FGFRL1: variants seen among roughly 807,000 people sequenced by gnomAD.
FGFRL1 encodes the protein fibroblast growth factor receptor like 1.
A neutral mutation model predicts 36.8 loss-of-function variants in FGFRL1; 24 were observed. The ratio of observed to expected loss-of-function variants is 0.65; its 90% CI spans 0.47 to 0.92. The LOEUF is 0.92. Among genes scored for constraint, FGFRL1 ranks in the 40% least tolerant of loss-of-function variants. The probability of loss-of-function intolerance (pLI) is 0.00; values close to 1 mark genes in which losing one functional copy is unlikely to be tolerated. For missense variants in FGFRL1, 785 were observed against 753.4 expected (o/e 1.04, Z -0.49); for synonymous variants, 422 against 344.1 (o/e 1.23, Z -2.50).
chr4:1,014,992 C>G (rs1301137737), intron 2 of FGFRL1, among the ~76,000 whole-genome samples: 2 of 152,216 alleles, frequency 1.3e-5, no homozygotes, highest in Non-Finnish European at 2.9e-5. Flanking sequence ...GCCGCAGGCC[C>G]CGCGCTGCGG....
chr4:1,024,146 CG>C, intron 5 of FGFRL1, 45 bp downstream of exon 5: 2 of 426,600 alleles, frequency 4.7e-6, no homozygotes, highest in Non-Finnish European at 7.2e-6. Context: ...TGCTGGTGGG[CG>C]GGGGCGCTGG....
Position 1,025,188 on chromosome 4 carries a change from T to G in FGFRL1, c.1356T>G (p.Ser452=). Residue 452 remains serine (S), a synonymous_variant, in exon 7 of 7, where the codon TCT becomes TCG. Coordinates refer to ENST00000510644, the MANE Select transcript of FGFRL1 (RefSeq NM_001004356.3). ...TGGGGCTGTGTGAGGAGCATGGGTC[T>G]CCGGCAGCCCCCCAGCACTTACTGG... ...PGVGLCEEHG[S]PAAPQHLLGP... 8.1e-6 allele frequency: 13 copies of G among 1,610,586 alleles called. No homozygotes were observed. Among genetic ancestry groups the G allele is most frequent in the Non-Finnish European group, 1.1e-5 (13 of 1,179,062 alleles).
At chr4:1,014,702 C>T (rs1026898502) in intron 2 of FGFRL1, among the ~76,000 whole-genome samples, 15 of 152,366 alleles carry the variant, frequency 9.8e-5, no homozygotes, top group Admixed American at 7.2e-4. Context: ...CAGGGCCTTC[C>T]TCCCTCGCCC....
intron 2 of FGFRL1, among the ~76,000 whole-genome samples, chr4:1,020,098 G>C (rs537274601): frequency 6.6e-6 from 1 of 152,358 alleles, no homozygotes; most frequent in East Asian, 1.9e-4. Flanking sequence ...TTGGGGGTCA[G>C]AATGGGAGCT....
upstream of FGFRL1, among the ~76,000 whole-genome samples, chr4:1,010,511 G>T (rs566267185): frequency 3.3e-5 from 5 of 152,258 alleles, no homozygotes; most frequent in African/African-American, 4.8e-5. Flanking sequence ...CGGCTGCCAG[G>T]CCTCTCCAGT....
At chr4:1,015,979 C>T (rs1203439282) in intron 2 of FGFRL1, among the ~76,000 whole-genome samples, 1 of 152,234 alleles carries the variant, frequency 6.6e-6, no homozygotes. Context: ...AGGGTCTGGG[C>T]GGCTGTGCCC....
In FGFRL1 at chr4:1,026,764, C is replaced by T. The variant is rs780444862; in HGVS notation, c.*1417C>T. 85 of 443,016 alleles carry T rather than the reference C, an allele frequency of 1.9e-4. No individual in the cohort carries two copies. Among genetic ancestry groups the T allele is most frequent in the South Asian group, 3.9e-4 (24 of 62,066 alleles). 27.4% of individuals were successfully genotyped at this position (443,016 alleles called of 1,614,324 possible). On this transcript the variant is annotated 3_prime_UTR_variant, in exon 7 of 7. Coordinates refer to ENST00000510644, the MANE Select transcript of FGFRL1 (RefSeq NM_001004356.3). Reference sequence around the variant, plus strand: ...TTCAGCCATGCTGATGACCACACCCCGTCCAGGCCAGACACCACCCCCCAC... The same window carrying T: ...TTCAGCCATGCTGATGACCACACCCTGTCCAGGCCAGACACCACCCCCCAC...
rs773150815 is a variant in FGFRL1, at chr4:1,022,328, A to T, written c.205A>T (p.Thr69Ser). ...PLTMWTKDGR[T>S]IHSGWSRFRV... ...GACCATGTGGACCAAGGATGGCCGC[A>T]CCATCCACAGCGGCTGGAGCCGCTT... is the stretch of plus-strand genomic sequence containing the variant. Residue 69 changes from threonine (T) to serine (S), a missense_variant, in exon 3 of 7, where the codon ACC becomes TCC. Physicochemically the swap from Thr to Ser is moderately conservative, Grantham distance 58. Coordinates refer to ENST00000510644, the MANE Select transcript of FGFRL1 (RefSeq NM_001004356.3). The T allele has an allele frequency of 2.2e-5, 35 of 1,600,244 alleles. No homozygotes were observed. In the South Asian group the frequency reaches 3.8e-4, roughly 17 times the overall value.
At chr4:1,019,020 C>T (rs1054211995) in intron 2 of FGFRL1, among the ~76,000 whole-genome samples, 2 of 152,326 alleles carry the variant, frequency 1.3e-5, no homozygotes, top group African/African-American at 2.4e-5. Context: ...GCCACGCTTC[C>T]GGCCATCCAG....
In FGFRL1 at chr4:1,024,989, G is replaced by A. The variant is rs1343769049; in HGVS notation, c.1157G>A (p.Gly386Asp). 3 of 1,610,216 alleles carry A rather than the reference G, an allele frequency of 1.9e-6. No individual in the cohort carries two copies. The highest frequency in any genetic ancestry group is 1.3e-5 in the African/African-American group (1 of 74,898). ...CCCGTGGTCATCGGCATCCCAGCCG[G>A]CGCTGTCTTCATCCTGGGCACCCTG... ...PWPVVIGIPA[G>D]AVFILGTLLL... The change falls in exon 7 of 7, where the codon GGC (glycine) becomes GAC (aspartate). Residue 386 changes from glycine to aspartate, a missense_variant. Physicochemically the swap from Gly to Asp is moderately conservative, Grantham distance 94. Transcript: ENST00000510644.
At chr4:1,012,373 G>T in intron 1 of FGFRL1, 97 bp from the exon 2 acceptor site, 1 of 1,426,126 alleles carries the variant, frequency 7.0e-7, no homozygotes, top group Non-Finnish European at 9.4e-7. Context: ...GGGCCTGTGG[G>T]GAGGGCGGCC....
At chr4:1,016,570 G>C (rs988792884) in intron 2 of FGFRL1, among the ~76,000 whole-genome samples, 3 of 152,020 alleles carry the variant, frequency 2.0e-5, no homozygotes, top group Admixed American at 1.3e-4. Context: ...TGCTTCCAGG[G>C]CTGGGCAGCA....
At chr4:1,011,440 C>T (rs1715575311), upstream of FGFRL1, 1 of 145,018 alleles carries the variant, frequency 6.9e-6, no homozygotes, top group African/African-American at 2.5e-5. Context: ...AAGCCGCCCG[C>T]CCGCGGGGAC....
intron 2 of FGFRL1, 68 bp from the exon 3 acceptor site, chr4:1,022,135 T>C (rs1345022990): frequency 3.9e-6 from 5 of 1,269,472 alleles, no homozygotes; most frequent in Non-Finnish European, 5.3e-6. Flanking sequence ...TGGGTCCCCT[T>C]TTGACCGCCC....
At chr4:1,024,688 A>G (rs780355809) in intron 6 of FGFRL1, 24 bp downstream of exon 6, 4 of 1,573,786 alleles carry the variant, frequency 2.5e-6, no homozygotes, top group Non-Finnish European at 3.5e-6. Flanking sequence ...ACGCCACGCC[A>G]CACCATGCTG....
rs1715589430 is a variant in FGFRL1, at chr4:1,011,680, C to A, written c.-291C>A. On this transcript the variant is annotated 5_prime_UTR_variant, in exon 1 of 7. Coordinates refer to ENST00000510644, the MANE Select transcript of FGFRL1 (RefSeq NM_001004356.3). The stretch of plus-strand genomic sequence containing the variant: ...GCCTCGCGGCGCGGCGCCCCGGGCC[C>A]CTCGCCCCGCCGCCCCGGGATCCCG... 2.1e-5 allele frequency: 3 copies of A among 144,474 alleles called. No homozygotes were observed. Among genetic ancestry groups the A allele is most frequent in the South Asian group, 1.9e-4 (1 of 5,334 alleles). 8.9% of individuals were successfully genotyped at this position (144,474 alleles called of 1,614,324 possible).
chr4:1,013,865 CCTTCGT>C (rs1715743121), intron 2 of FGFRL1, among the ~76,000 whole-genome samples: 1 of 152,416 alleles, frequency 6.6e-6, no homozygotes, highest in African/African-American at 2.4e-5. Context: ...ACCCCCTTCG[CCTTCGT>C]CCTCCTCAGC....
chr4:1,011,607 G>T (rs1339696920), upstream of FGFRL1, among the ~76,000 whole-genome samples: 1 of 137,952 alleles, frequency 7.2e-6, no homozygotes, highest in South Asian at 2.4e-4. Context: ...GGGGGTCCGG[G>T]CTCGGCGCTC....
rs776508642 is a variant in FGFRL1 at position 1,012,548 on chromosome 4, G to GGCCGCC, written c.70_75dup (p.Ala24_Ala25dup). ...CGCTGCTGCTGGGGGCCTTCCCGCCGGCCGCCGCCGCCCGAGGTGAGTTCT... is the reference window on the plus strand; with the variant it reads ...CGCTGCTGCTGGGGGCCTTCCCGCCGGCCGCCGCCGCCGCCGCCCGAGGTGAGTTCT... On this transcript the variant is annotated inframe_insertion, in exon 2 of 7. Coordinates refer to ENST00000510644, the MANE Select transcript of FGFRL1 (RefSeq NM_001004356.3). 6.8e-7 allele frequency: 1 copy of GGCCGCC among 1,465,692 alleles called. No homozygotes were observed. Among genetic ancestry groups the GGCCGCC allele is most frequent in the South Asian group, 1.2e-5 (1 of 80,032 alleles). The allele number at this position is 1,465,692 out of a possible 1,614,324, so 90.8% of individuals were successfully genotyped here. A position where few individuals can be genotyped will look rare whatever the true frequency, so the allele number is the denominator to read the frequency against.
Sources: allele counts gnomAD v4.1 joint callset (sites outside exome capture counted in the v4.1 genomes callset), GRCh38; gene constraint gnomAD v4.1.1; transcripts MANE v1.5; gene names NCBI Gene and HGNC (gene_info 2026-07-23, HGNC 2026-07-21).